Variants in STPG2 observed in about 807,000 individuals in gnomAD.
The protein encoded by STPG2 is sperm-tail PG-rich repeat-containing protein 2.
A neutral mutation model predicts 54.2 loss-of-function variants in STPG2; 56 were observed. The observed-to-expected ratio is 1.03, with a 90% CI of 0.83 to 1.29. STPG2 has a LOEUF of 1.29. Among genes scored for constraint, STPG2 ranks in the 50% most tolerant of loss-of-function variants. The pLI is 0.00. For missense variants in STPG2, 596 were observed against 544.9 expected (o/e 1.09, Z -0.93); for synonymous variants, 200 against 181.8 (o/e 1.10, Z -0.81).
At chr4:97,541,083 C>A (rs1336089027) in intron 4 of STPG2, among the ~76,000 whole-genome samples, 1 of 152,130 alleles carries the variant, frequency 6.6e-6, no homozygotes, top group Non-Finnish European at 1.5e-5. Flanking sequence ...CTTCTCTCAA[C>A]ACTCCTATTC....
intron 8 of STPG2, among the ~76,000 whole-genome samples, chr4:97,877,161 C>A (rs1730206612): frequency 6.6e-6 from 1 of 152,144 alleles, no homozygotes; most frequent in Non-Finnish European, 1.5e-5. Flanking sequence ...GGTCACCATG[C>A]AGTTCCTCCA....
At chr4:97,507,447 T>A (rs534142095) in intron 4 of STPG2, among the ~76,000 whole-genome samples, 1 of 152,098 alleles carries the variant, frequency 6.6e-6, no homozygotes, top group Admixed American at 6.6e-5. Context: ...CACATCTTTC[T>A]CAGTAACTAC....
At chr4:98,061,220 C>G (rs1237815296) in intron 5 of STPG2, among the ~76,000 whole-genome samples, 1 of 151,976 alleles carries the variant, frequency 6.6e-6, no homozygotes, top group Non-Finnish European at 1.5e-5. Context: ...TTAGTTTGTT[C>G]TCACACTGCT....
chr4:97,633,304 T>C (rs1025683760), intron 10 of STPG2, among the ~76,000 whole-genome samples: 1 of 152,118 alleles, frequency 6.6e-6, no homozygotes, highest in African/African-American at 2.4e-5. Context: ...AATTAAAAAG[T>C]TGGAATATTG....
intron 4 of STPG2, among the ~76,000 whole-genome samples, chr4:97,445,961 C>T (rs745975274): frequency 2.6e-4 from 40 of 152,100 alleles, no homozygotes; most frequent in Non-Finnish European, 2.1e-4. Context: ...TCTTATCTTA[C>T]AAAAACCTTG....
intron 9 of STPG2, among the ~76,000 whole-genome samples, chr4:97,784,151 A>G (rs1371890671): frequency 6.6e-6 from 1 of 151,766 alleles, no homozygotes; most frequent in Non-Finnish European, 1.5e-5. Flanking sequence ...CTAGGCAACA[A>G]CAACAACAAA....
At chr4:97,628,991 AGCTT>A (rs1290774340) in intron 10 of STPG2, among the ~76,000 whole-genome samples, 2 of 151,992 alleles carry the variant, frequency 1.3e-5, no homozygotes, top group Non-Finnish European at 2.9e-5. Flanking sequence ...TTTTGTCTCC[AGCTT>A]GATATTTAAA....
intron 10 of STPG2, among the ~76,000 whole-genome samples, chr4:97,613,063 T>G (rs1388536354): frequency 1.3e-5 from 2 of 152,104 alleles, no homozygotes; most frequent in African/African-American, 4.8e-5. Flanking sequence ...TGTTAACATC[T>G]TACATACCAT....
chr4:97,965,558 C>T (rs1221143460), intron 7 of STPG2, among the ~76,000 whole-genome samples: 1 of 152,162 alleles, frequency 6.6e-6, no homozygotes, highest in Non-Finnish European at 1.5e-5. Flanking sequence ...CCCTGACCCC[C>T]ACGTAGACGA....
At chr4:97,651,378 T>C (rs892023914) in intron 10 of STPG2, among the ~76,000 whole-genome samples, 1 of 152,144 alleles carries the variant, frequency 6.6e-6, no homozygotes, top group Non-Finnish European at 1.5e-5. Context: ...ACTGTTATTA[T>C]AAAAATCAAT....
At chr4:97,972,507 A>T (rs562940525) in intron 6 of STPG2, 67 bp from the exon 7 acceptor site, 1 of 930,930 alleles carries the variant, frequency 1.1e-6, no homozygotes, top group Admixed American at 3.2e-5. Flanking sequence ...TGAACTGAGT[A>T]ATTTTTAATT....
At chr4:97,840,735 T>C in intron 9 of STPG2, 38 bp downstream of exon 9, 1 of 1,566,726 alleles carries the variant, frequency 6.4e-7, no homozygotes, top group Non-Finnish European at 8.6e-7. Flanking sequence ...ACCTTAGAAT[T>C]TTTTTCCTCA....
intron 9 of STPG2, among the ~76,000 whole-genome samples, chr4:97,796,460 C>G (rs762995947): frequency 6.6e-6 from 1 of 152,118 alleles, no homozygotes; most frequent in Non-Finnish European, 1.5e-5. Flanking sequence ...AATAGGGAAT[C>G]CTTTCCCCAT....
chr4:97,458,774 C>G (rs562603382), intron 4 of STPG2, among the ~76,000 whole-genome samples: 94 of 152,146 alleles, frequency 6.2e-4, no homozygotes, highest in Admixed American at 1.4e-3. Flanking sequence ...AGAAAATCAA[C>G]AAATACTGAA....
At chr4:97,775,383 T>A (rs1726344863) in intron 9 of STPG2, among the ~76,000 whole-genome samples, 2 of 152,146 alleles carry the variant, frequency 1.3e-5, no homozygotes, top group Non-Finnish European at 2.9e-5. Flanking sequence ...TAGGTAAATC[T>A]CCTAATGCTA....
intron 8 of STPG2, among the ~76,000 whole-genome samples, chr4:97,876,588 T>C (rs979456050): frequency 4.6e-5 from 7 of 152,060 alleles, no homozygotes; most frequent in African/African-American, 1.7e-4. Context: ...GGGAACTGCT[T>C]TATTTTCTTT....
intron 8 of STPG2, among the ~76,000 whole-genome samples, chr4:97,871,866 CT>C (rs1730000764): frequency 6.6e-6 from 1 of 150,946 alleles, no homozygotes; most frequent in Admixed American, 6.6e-5. Context: ...ACCAATCACA[CT>C]TATGAAAATG....
At chr4:97,606,225 G>T (rs1858054) in intron 10 of STPG2, among the ~76,000 whole-genome samples, 151,094 of 152,006 alleles carry the variant, frequency 0.99, 75,095 homozygotes, top group Middle Eastern at 1. Flanking sequence ...AGCAATGCTC[G>T]TTAAAATGAA....
intron 9 of STPG2, among the ~76,000 whole-genome samples, chr4:97,769,954 T>C (rs934925205): frequency 2.0e-5 from 3 of 152,158 alleles, no homozygotes; most frequent in African/African-American, 7.2e-5. Flanking sequence ...CTCAGGCCTA[T>C]AATCCCAGCA....
Sources: gnomAD v4.1 joint callset for allele counts (sites outside exome capture counted in the v4.1 genomes callset) on GRCh38, gnomAD v4.1.1 for gene constraint, MANE v1.5 for transcripts, NCBI Gene and HGNC (gene_info 2026-07-23, HGNC 2026-07-21) for gene names.